The following ARHGAP1 variants were observed in gnomAD, a reference collection of about 807,000 sequenced individuals.
ARHGAP1 encodes rho GTPase-activating protein 1.
A neutral mutation model predicts 52.2 loss-of-function variants in ARHGAP1; 23 were observed. The observed-to-expected ratio is 0.44, with a 90% confidence interval of 0.32 to 0.62. ARHGAP1 has a LOEUF of 0.62. Ranked by LOEUF, ARHGAP1 falls within the 20% of genes least tolerant of loss-of-function variation. The probability of loss-of-function intolerance (pLI) is 0.05; values close to 1 mark genes in which losing one functional copy is unlikely to be tolerated. For synonymous variants in ARHGAP1, 210 were observed against 228.4 expected (o/e 0.92, Z 0.73); for missense variants, 480 against 560.9 (o/e 0.86, Z 1.46).
At position 46,680,795 on chromosome 11, in the gene ARHGAP1, C is replaced by G; in HGVS notation, c.636-48G>C. Reference sequence around the variant, plus strand: ...GTCAGGTCCTGCCTGGCTCTGGAGTCACTCTGCCAATTCAATCAAGCATTG... The same window carrying G: ...GTCAGGTCCTGCCTGGCTCTGGAGTGACTCTGCCAATTCAATCAAGCATTG... On this transcript the variant is annotated intron_variant, in intron 7 of 12. Coordinates refer to ENST00000311956, the MANE Select transcript of ARHGAP1 (RefSeq NM_004308.5). This position sits in a 1 kb window ranked among gnomAD's most constrained non-coding sequence, Gnocchi z 5.9. 7.2e-7 allele frequency: 1 copy of G among 1,392,684 alleles called. No homozygotes were observed. The highest frequency in any genetic ancestry group is 9.7e-7 in the Non-Finnish European group (1 of 1,027,786). The allele number at this position is 1,392,684 out of a possible 1,614,324, so 86.3% of individuals were successfully genotyped here. A position where few individuals can be genotyped will look rare whatever the true frequency, so the allele number is the denominator to read the frequency against.
In ARHGAP1 at chr11:46,696,337, C is replaced by T. The variant is rs1487965059; in HGVS notation, c.-49-181G>A. ...TCTGGGTTCTCCTGGCTCCGTGGCT[C>T]AGGCGTGTTGCCAGAAAAGGCAGCT... On this transcript the variant is annotated intron_variant, in intron 1 of 12. Coordinates refer to ENST00000311956, the MANE Select transcript of ARHGAP1 (RefSeq NM_004308.5). The surrounding 1 kb of genome is among the most constrained non-coding windows in gnomAD (Gnocchi z 4.8). Among the ~76,000 whole-genome samples, 1 of 152,178 alleles carries T rather than the reference C, an allele frequency of 6.6e-6. No individual in the cohort carries two copies. The highest frequency in any genetic ancestry group is 1.5e-5 in the Non-Finnish European group (1 of 68,020).
At position 46,680,938 on chromosome 11, in the gene ARHGAP1, G is replaced by A. The variant is rs1326442888; in HGVS notation, c.635+73C>T. The A allele has an allele frequency of 1.2e-5, 17 of 1,394,878 alleles. No homozygotes were observed. The highest frequency in any genetic ancestry group is 4.3e-5 in the African/African-American group (3 of 70,428). 86.4% of individuals were successfully genotyped at this position (1,394,878 alleles called of 1,614,324 possible). ...CGGGCTTGCTCTGCCTAAGCCCCACGCGGTCTCTGAATCAGGACACACGTC... is the reference window on the plus strand; with the variant it reads ...CGGGCTTGCTCTGCCTAAGCCCCACACGGTCTCTGAATCAGGACACACGTC... On this transcript the variant is annotated intron_variant, in intron 7 of 12. Transcript: ENST00000311956. This position sits in a 1 kb window ranked among gnomAD's most constrained non-coding sequence, Gnocchi z 5.9.
intron 4 of ARHGAP1, among the ~76,000 whole-genome samples, chr11:46,683,935 C>T (rs926252049): frequency 6.6e-6 from 1 of 152,214 alleles, no homozygotes; most frequent in Non-Finnish European, 1.5e-5. Flanking sequence ...CCACTGCGCC[C>T]GGCCATAGAG....
At position 46,679,723 on chromosome 11, in the gene ARHGAP1, G is replaced by A; in HGVS notation, c.952C>T (p.Leu318Phe). ...YNELHLPAVI[L>F]KTFLRELPEP... ...GGAAGCTCCCGGAGGAAGGTCTTGA[G>A]GATGACTGCTGGCAGGTGCAGCTCA... Residue 318 changes from leucine (L) to phenylalanine (F), a missense_variant, in exon 11 of 13, where the codon CTC (leucine) becomes TTC (phenylalanine). Transcript: ENST00000311956. This position sits in a 1 kb window ranked among gnomAD's most constrained non-coding sequence, Gnocchi z 4.4. 6.2e-7 allele frequency: 1 copy of A among 1,614,096 alleles called. No individual in the cohort carries two copies. Among genetic ancestry groups the A allele is most frequent in the Admixed American group, 1.7e-5 (1 of 60,018 alleles).
intron 4 of ARHGAP1, 60 bp downstream of exon 4, chr11:46,688,113 G>A: frequency 1.3e-6 from 2 of 1,519,792 alleles, no homozygotes; most frequent in Non-Finnish European, 1.8e-6. Flanking sequence ...AAAGAACGTG[G>A]CATTAGGCTA....
At chr11:46,692,668 T>TA (rs1247974872) in intron 3 of ARHGAP1, among the ~76,000 whole-genome samples, 1 of 152,100 alleles carries the variant, frequency 6.6e-6, no homozygotes, top group East Asian at 1.9e-4. Flanking sequence ...TCCATGATGT[T>TA]ATATGACAAA....
rs1306532731 is a variant in ARHGAP1 at position 46,681,323 on chromosome 11, G to A, written c.506C>T (p.Thr169Ile). 5 of 1,613,810 alleles carry A rather than the reference G, an allele frequency of 3.1e-6. No homozygotes were observed. In the Admixed American group the frequency reaches 6.7e-5, roughly 22 times the overall value. The change falls in exon 6 of 13, where the codon ACT (threonine) becomes ATT (isoleucine). Residue 169 changes from threonine to isoleucine, a missense_variant. By Grantham distance (89) the Thr-to-Ile change is moderately conservative. Transcript: ENST00000311956. This position sits in a 1 kb window ranked among gnomAD's most constrained non-coding sequence, Gnocchi z 5.7. Reference protein sequence around the residue: ...YIVHPTMFIKTLLILFKPLIS... With the variant: ...YIVHPTMFIKILLILFKPLIS... ...GAGGGGCTTGAAGAGGATGAGCAGA[G>A]TTTTGATGAACATGGTTGGATGCAC...
chr11:46,685,326 ATTC>A (rs1190563092), intron 4 of ARHGAP1, among the ~76,000 whole-genome samples: 2 of 141,310 alleles, frequency 1.4e-5, no homozygotes, highest in Admixed American at 7.1e-5. Context: ...TTTCATGTAT[ATTC>A]TTTTTTTTTT....
chr11:46,679,888 C>T lies in ARHGAP1; in HGVS notation c.899-112G>A, dbSNP rs2064510572. The T allele has an allele frequency of 2.7e-6, 4 of 1,500,044 alleles. No homozygotes were observed. Among genetic ancestry groups the T allele is most frequent in the African/African-American group, 2.8e-5 (2 of 72,398 alleles). 92.9% of individuals were successfully genotyped at this position (1,500,044 alleles called of 1,614,324 possible). ...GCCCCTGGACACTGCATAAGCCCCT[C>T]CTCCCAGGGGCGCCCTCTGACACCT... On this transcript the variant is annotated intron_variant, in intron 10 of 12. Transcript: ENST00000311956. The surrounding 1 kb of genome is among the most constrained non-coding windows in gnomAD (Gnocchi z 4.4).
Position 46,679,837 on chromosome 11 carries a change from G to A in ARHGAP1, c.899-61C>T. ...GCCTGAAGGGCAGCACCCATCTGCA[G>A]ACAACGCGGGCCGCACTGCCTGACT... On this transcript the variant is annotated intron_variant, in intron 10 of 12. Transcript: ENST00000311956. The surrounding 1 kb of genome is among the most constrained non-coding windows in gnomAD (Gnocchi z 4.4). The A allele has an allele frequency of 6.2e-7, 1 of 1,604,652 alleles. No homozygotes were observed. Among genetic ancestry groups the A allele is most frequent in the Non-Finnish European group, 8.5e-7 (1 of 1,177,552 alleles).
At chr11:46,691,544 C>T (rs770537138) in intron 3 of ARHGAP1, among the ~76,000 whole-genome samples, 3 of 151,412 alleles carry the variant, frequency 2.0e-5, no homozygotes, top group East Asian at 1.9e-4. Context: ...CTTTGCGTCC[C>T]GGGTTCAAGT....
chr11:46,698,330 G>A (rs766270024), intron 1 of ARHGAP1, among the ~76,000 whole-genome samples: 3 of 152,142 alleles, frequency 2.0e-5, no homozygotes, highest in Non-Finnish European at 2.9e-5. Flanking sequence ...GGCCGGGCAC[G>A]GTGGCTCATG....
At chr11:46,699,412 AAG>A (rs2064681255) in intron 1 of ARHGAP1, among the ~76,000 whole-genome samples, 1 of 152,148 alleles carries the variant, frequency 6.6e-6, no homozygotes, top group Non-Finnish European at 1.5e-5. Context: ...ACAGTGAGGA[AAG>A]AGAGGACCAG....
Position 46,678,072 on chromosome 11 carries a change from AG to A in ARHGAP1, c.*964del, listed in dbSNP as rs762530633. On this transcript the variant is annotated 3_prime_UTR_variant, in exon 13 of 13. Transcript: ENST00000311956. ...TACGGGCACTCTTAGTCTCTACCCCAGCCCCTTTAAGAGTCCCCCAGCTGGA... is the reference window on the plus strand; with the variant it reads ...TACGGGCACTCTTAGTCTCTACCCCACCCCTTTAAGAGTCCCCCAGCTGGA... 25 of 319,970 alleles carry A rather than the reference AG, an allele frequency of 7.8e-5. No homozygotes were observed. The highest frequency in any genetic ancestry group is 1.4e-4 in the Non-Finnish European group (23 of 163,076). 19.8% of individuals were successfully genotyped at this position (319,970 alleles called of 1,614,324 possible). A position where few individuals can be genotyped will look rare whatever the true frequency, so the allele number is the denominator to read the frequency against.
In ARHGAP1 at chr11:46,679,889, C is replaced by A; in HGVS notation, c.899-113G>T. The stretch of plus-strand genomic sequence containing the variant: ...CCCCTGGACACTGCATAAGCCCCTC[C>A]TCCCAGGGGCGCCCTCTGACACCTG... On this transcript the variant is annotated intron_variant, in intron 10 of 12. Transcript: ENST00000311956. This position sits in a 1 kb window ranked among gnomAD's most constrained non-coding sequence, Gnocchi z 4.4. 6.8e-7 allele frequency: 1 copy of A among 1,478,914 alleles called. No homozygotes were observed. Among genetic ancestry groups the A allele is most frequent in the Non-Finnish European group, 9.0e-7 (1 of 1,106,646 alleles). The allele number at this position is 1,478,914 out of a possible 1,614,324, so 91.6% of individuals were successfully genotyped here. A position where few individuals can be genotyped will look rare whatever the true frequency, so the allele number is the denominator to read the frequency against.
chr11:46,680,869 C>G lies in ARHGAP1; in HGVS notation c.636-122G>C. The G allele has an allele frequency of 5.6e-6, 6 of 1,074,658 alleles. 1 individual carries two copies. The South Asian group carries it at 9.0e-5, about 16-fold the overall frequency. 66.6% of individuals were successfully genotyped at this position (1,074,658 alleles called of 1,614,324 possible). A position where few individuals can be genotyped will look rare whatever the true frequency, so the allele number is the denominator to read the frequency against. On this transcript the variant is annotated intron_variant, in intron 7 of 12. Coordinates refer to ENST00000311956, the MANE Select transcript of ARHGAP1 (RefSeq NM_004308.5). This position sits in a 1 kb window ranked among gnomAD's most constrained non-coding sequence, Gnocchi z 5.9. ...TCTCATGCGATCTCTGTAACAACTC[C>G]GCTTTCCACAGCAGAAAGCAAAGAC...
rs1392775246 is a variant in ARHGAP1 at position 46,685,383 on chromosome 11, A to C, written c.317+2790T>G. Reference sequence around the variant, plus strand: ...ACTCTTGTTGCCCAGGGTGGAGTGCAATGGCATGATCTTGGCACACTGCAA... The same window carrying C: ...ACTCTTGTTGCCCAGGGTGGAGTGCCATGGCATGATCTTGGCACACTGCAA... On this transcript the variant is annotated intron_variant, in intron 4 of 12. Transcript: ENST00000311956. Among the ~76,000 whole-genome samples the C allele has an allele frequency of 2.0e-5, 3 of 149,698 alleles. No homozygotes were observed. The East Asian group carries it at 6.0e-4, about 30-fold the overall frequency.
At chr11:46,690,114 C>T (rs1179068227) in intron 3 of ARHGAP1, among the ~76,000 whole-genome samples, 2 of 150,616 alleles carry the variant, frequency 1.3e-5, no homozygotes, top group Non-Finnish European at 3.0e-5. Context: ...CAGTGGCTCA[C>T]GCCTGTAGTC....
At position 46,695,645 on chromosome 11, in the gene ARHGAP1, G is replaced by A. The variant is rs867525198; in HGVS notation, c.229+15C>T. The A allele has an allele frequency of 4.5e-6, 7 of 1,550,738 alleles. No individual in the cohort carries two copies. The Middle Eastern group carries it at 5.0e-4, about 111-fold the overall frequency. The stretch of plus-strand genomic sequence containing the variant: ...GAGCTCTGAGGGTTAGGAAAATAGT[G>A]TTGGGTGTGCTTACCTGCCACCTCC... On this transcript the variant is annotated intron_variant, in intron 3 of 12. Transcript: ENST00000311956.
Sources: allele counts gnomAD v4.1 joint callset (sites outside exome capture counted in the v4.1 genomes callset), GRCh38; gene constraint gnomAD v4.1.1; non-coding constraint Gnocchi (gnomAD v3.1); transcripts MANE v1.5; gene names NCBI Gene and HGNC (gene_info 2026-07-23, HGNC 2026-07-21).